The following TTC21B variants were observed in gnomAD, a reference collection of about 807,000 sequenced individuals.
The protein encoded by TTC21B is tetratricopeptide repeat protein 21B.
A neutral mutation model predicts 175.1 loss-of-function variants in TTC21B; 127 were observed. The ratio of observed to expected loss-of-function variants is 0.73; its 90% CI spans 0.63 to 0.84. The LOEUF (loss-of-function observed/expected upper bound fraction) is 0.84, where lower values mean the gene tolerates loss of function less well. Among genes scored for constraint, TTC21B ranks in the 40% least tolerant of loss-of-function variants. The probability of loss-of-function intolerance (pLI) is 0.00; values close to 1 mark genes in which losing one functional copy is unlikely to be tolerated. For synonymous variants in TTC21B, 524 were observed against 524.5 expected, an observed-to-expected ratio of 1.00 and a Z score of 0.01; for missense variants, 1,561 against 1,558.3, an observed-to-expected ratio of 1.00 and a Z score of -0.03.
At chr2:165,932,251 A>G (rs1244682042) in intron 7 of TTC21B, among the ~76,000 whole-genome samples, 3 of 152,254 alleles carry the variant, frequency 2.0e-5, no homozygotes, top group South Asian at 2.1e-4. Flanking sequence ...AGACTGGTTT[A>G]TATTCAAAAT....
At chr2:165,892,233 G>A (rs1685219968) in intron 22 of TTC21B, among the ~76,000 whole-genome samples, 2 of 152,080 alleles carry the variant, frequency 1.3e-5, no homozygotes, top group Admixed American at 6.6e-5. Context: ...TTCTGAACAT[G>A]TTCTTAGGTT....
intron 11 of TTC21B, among the ~76,000 whole-genome samples, chr2:165,926,139 C>T (rs1032617390): frequency 2.0e-5 from 3 of 152,136 alleles, no homozygotes; most frequent in Non-Finnish European, 4.4e-5. Flanking sequence ...AAAACAGTAT[C>T]ACATATGCTG....
intron 1 of TTC21B, among the ~76,000 whole-genome samples, chr2:165,950,860 G>T (rs1408390890): frequency 6.6e-6 from 1 of 152,048 alleles, no homozygotes; most frequent in Non-Finnish European, 1.5e-5. Flanking sequence ...CACCCGCCTG[G>T]GCCTCCCAAA....
In TTC21B at chr2:165,888,408, T is replaced by A. The variant is rs1318410919; in HGVS notation, c.3330A>T (p.Glu1110Asp). 6.2e-7 allele frequency: 1 copy of A among 1,613,980 alleles called. No individual in the cohort carries two copies. The highest frequency in any genetic ancestry group is 1.7e-5 in the Admixed American group (1 of 60,020). ...GACCCTGAACAGTCTGAGGTTTTAGTTCCTTAAGAAGTTTTTCTGCTGTTC... is the reference window on the plus strand; with the variant it reads ...GACCCTGAACAGTCTGAGGTTTTAGATCCTTAAGAAGTTTTTCTGCTGTTC... ...AVRTAEKLLK[E>D]LKPQTVQGHV... Residue 1110 changes from glutamate (E) to aspartate (D), a missense_variant, in exon 25 of 29, where the codon GAA becomes GAT. Physicochemically the swap from Glu to Asp is conservative, Grantham distance 45. Transcript: ENST00000243344.
chr2:165,875,818 T>TC (rs1358227632), intron 28 of TTC21B, among the ~76,000 whole-genome samples: 1 of 151,498 alleles, frequency 6.6e-6, no homozygotes, highest in African/African-American at 2.4e-5. Context: ...CTTTGTCTTT[T>TC]TTTTTTTTTA....
At chr2:165,914,550 A>C (rs1316810941) in intron 15 of TTC21B, among the ~76,000 whole-genome samples, 1 of 152,122 alleles carries the variant, frequency 6.6e-6, no homozygotes, top group African/African-American at 2.4e-5. Context: ...GAATTACTTC[A>C]TCAACAGTTT....
intron 25 of TTC21B, among the ~76,000 whole-genome samples, chr2:165,886,446 C>T (rs1317810932): frequency 1.3e-5 from 2 of 152,140 alleles, no homozygotes; most frequent in African/African-American, 4.8e-5. Context: ...TTAGCACTCG[C>T]TGGCTGCTTA....
intron 24 of TTC21B, among the ~76,000 whole-genome samples, chr2:165,889,153 A>C (rs1685104067): frequency 6.6e-6 from 1 of 152,230 alleles, no homozygotes; most frequent in African/African-American, 2.4e-5. Context: ...AAATCAATTA[A>C]TAAAAGGAAA....
intron 1 of TTC21B, among the ~76,000 whole-genome samples, chr2:165,950,580 C>T (rs957123602): frequency 6.6e-6 from 1 of 152,296 alleles, no homozygotes; most frequent in East Asian, 1.9e-4. Flanking sequence ...GACTAAGTGA[C>T]AGGATTGAAA....
chr2:165,887,055 C>T (rs1574067684), intron 25 of TTC21B, among the ~76,000 whole-genome samples: 1 of 152,182 alleles, frequency 6.6e-6, no homozygotes, highest in South Asian at 2.1e-4. Context: ...AAGCTGCCAT[C>T]TAGGATACTT....
chr2:165,938,725 G>A (rs1687256247), intron 6 of TTC21B, among the ~76,000 whole-genome samples: 1 of 151,942 alleles, frequency 6.6e-6, no homozygotes, highest in Non-Finnish European at 1.5e-5. Context: ...GCAGGAAGAA[G>A]GAGGGAGGGA....
rs972333843 is a variant in TTC21B at position 165,874,093 on chromosome 2, T to A, written c.*662A>T. On this transcript the variant is annotated 3_prime_UTR_variant, in exon 29 of 29. Transcript: ENST00000243344. The stretch of plus-strand genomic sequence containing the variant: ...TGGGTGCGGTGGCTCATGCCTGTAA[T>A]CCCAGCACTTTGGGAGGCCGAGGCA... 2.0e-5 allele frequency: 3 copies of A among 152,252 alleles called. No homozygotes were observed. The highest frequency in any genetic ancestry group is 4.8e-5 in the African/African-American group (2 of 41,442). The allele number at this position is 152,252 out of a possible 1,614,324, so 9.4% of individuals were successfully genotyped here. A position where few individuals can be genotyped will look rare whatever the true frequency, so the allele number is the denominator to read the frequency against.
At chr2:165,932,887 G>GTA in intron 7 of TTC21B, 86 bp downstream of exon 7, 1 of 1,158,098 alleles carries the variant, frequency 8.6e-7, no homozygotes, top group Non-Finnish European at 1.3e-6. Flanking sequence ...AGGCTTTAAT[G>GTA]TATATGCACA....
At chr2:165,948,229 T>C (rs1687647300) in intron 3 of TTC21B, 1 of 151,390 alleles carries the variant, frequency 6.6e-6, no homozygotes, top group African/African-American at 2.4e-5. Flanking sequence ...TACAGCTGAA[T>C]AGTGCATACC....
At chr2:165,937,562 C>T (rs1430653222) in intron 6 of TTC21B, among the ~76,000 whole-genome samples, 2 of 151,918 alleles carry the variant, frequency 1.3e-5, no homozygotes, top group African/African-American at 4.8e-5. Flanking sequence ...AATCTCTGTA[C>T]CTTCTGTTTA....
chr2:165,924,656 A>G lies in TTC21B; in HGVS notation c.1409T>C (p.Leu470Pro). 6.2e-7 allele frequency: 1 copy of G among 1,613,732 alleles called. No homozygotes were observed. The highest frequency in any genetic ancestry group is 8.5e-7 in the Non-Finnish European group (1 of 1,179,774). Residue 470 changes from leucine to proline, a missense_variant, in exon 12 of 29, where the codon CTT (leucine) becomes CCT (proline). Coordinates refer to ENST00000243344, the MANE Select transcript of TTC21B (RefSeq NM_024753.5). ...GATGCAACGCCTGAGAAGTGGACAA[A>G]GAGGTTGCCCAGGACTTGCAGGCTA... ...PMQPASPGQP[L>P]CPLLRRCISV...
intron 3 of TTC21B, 95 bp from the exon 4 acceptor site, chr2:165,945,785 T>C (rs1687537071): frequency 8.1e-7 from 1 of 1,238,512 alleles, no homozygotes; most frequent in Non-Finnish European, 1.1e-6. Flanking sequence ...TTTACTTCTC[T>C]CTATAGTGGT....
At chr2:165,953,465 C>A (rs1253195476) in intron 1 of TTC21B, among the ~76,000 whole-genome samples, 1 of 152,204 alleles carries the variant, frequency 6.6e-6, no homozygotes. Flanking sequence ...AAACACCGAG[C>A]GGGCGGGCTG....
intron 1 of TTC21B, among the ~76,000 whole-genome samples, chr2:165,952,808 C>T (rs1364427072): frequency 3.3e-5 from 5 of 152,214 alleles, no homozygotes; most frequent in Non-Finnish European, 7.3e-5. Flanking sequence ...TTTCATTTAC[C>T]TACTTGTTGT....
Sources: allele counts gnomAD v4.1 joint callset (sites outside exome capture counted in the v4.1 genomes callset), GRCh38; gene constraint gnomAD v4.1.1; transcripts MANE v1.5; gene names NCBI Gene and HGNC (gene_info 2026-07-23, HGNC 2026-07-21).